Variants in EVL observed in about 807,000 individuals in gnomAD.
EVL encodes the protein ena/VASP-like protein.
EVL carries 21 observed loss-of-function variants against 59.6 expected under a neutral mutation model. The ratio of observed to expected loss-of-function variants is 0.35; its 90% CI spans 0.25 to 0.51. EVL has a LOEUF of 0.51. Among genes scored for constraint, EVL ranks in the 20% least tolerant of loss-of-function variants. EVL has a pLI of 0.97. For synonymous variants in EVL, 198 were observed against 203.5 expected (o/e 0.97, Z 0.23); for missense variants, 462 against 546.6 (o/e 0.85, Z 1.54).
rs764638056 is a variant in EVL at position 100,128,652 on chromosome 14, G to A, written c.621G>A (p.Leu207=). Residue 207 remains leucine (L), a synonymous_variant, in exon 6 of 14, where the codon CTG becomes CTA. Coordinates refer to ENST00000392920, the MANE Select transcript of EVL (RefSeq NM_016337.3). ...TGATPPPPPP[L]PAGGAQGSSH... is the part of the protein sequence containing the mutation. ...CTACCCCACCTCCCCCACCCCCACT[G>A]CCAGCCGGAGGAGCCCAGGGGTCCA... 21 of 1,314,454 alleles carry A rather than the reference G, an allele frequency of 1.6e-5. No homozygotes were observed. In the African/African-American group the frequency reaches 4.0e-4, roughly 25 times the overall value. The allele number at this position is 1,314,454 out of a possible 1,614,324, so 81.4% of individuals were successfully genotyped here. A position where few individuals can be genotyped will look rare whatever the true frequency, so the allele number is the denominator to read the frequency against.
At chr14:100,025,680 C>T (rs2061198261) in intron 1 of EVL, among the ~76,000 whole-genome samples, 5 of 152,172 alleles carry the variant, frequency 3.3e-5, no homozygotes, top group Admixed American at 3.3e-4. Context: ...GTAACCCCAG[C>T]ACTTTGGGAG....
At chr14:100,022,729 A>T (rs192570644) in intron 1 of EVL, among the ~76,000 whole-genome samples, 1 of 152,346 alleles carries the variant, frequency 6.6e-6, no homozygotes, top group African/African-American at 2.4e-5. Context: ...GACACACAGT[A>T]AGACCTTAAT....
intron 1 of EVL, among the ~76,000 whole-genome samples, chr14:100,005,597 G>A: frequency 6.7e-6 from 1 of 148,302 alleles, no homozygotes. Context: ...CAGTGTCCTA[G>A]GAGAAAAACA....
At chr14:100,057,682 G>A (rs2140257099) in intron 1 of EVL, among the ~76,000 whole-genome samples, 1 of 152,248 alleles carries the variant, frequency 6.6e-6, no homozygotes, top group Admixed American at 6.5e-5. Flanking sequence ...CTATTTTAGT[G>A]TAAACTTTTT....
At chr14:99,976,754 C>G (rs1426194542) in intron 1 of EVL, among the ~76,000 whole-genome samples, 2 of 152,140 alleles carry the variant, frequency 1.3e-5, no homozygotes, top group Non-Finnish European at 2.9e-5. Context: ...CAAACCTGTT[C>G]TGTTCACTTT....
chr14:100,113,205 A>G (rs1386859072), intron 3 of EVL, among the ~76,000 whole-genome samples: 2 of 152,150 alleles, frequency 1.3e-5, no homozygotes, highest in Non-Finnish European at 2.9e-5. Context: ...TAGTGCTGCC[A>G]TCTTGGATGC....
chr14:99,996,816 T>C (rs2060917244), intron 1 of EVL, among the ~76,000 whole-genome samples: 1 of 152,172 alleles, frequency 6.6e-6, no homozygotes, highest in Admixed American at 6.5e-5. Flanking sequence ...CGTGTCTGGC[T>C]GATTTCTGTA....
chr14:100,123,685 C>G, intron 4 of EVL, 83 bp downstream of exon 4: 1 of 1,414,080 alleles, frequency 7.1e-7, no homozygotes, highest in South Asian at 1.2e-5. Flanking sequence ...GGTGAGGATG[C>G]ACCAGCAGCC....
At chr14:99,986,230 T>C (rs1405163313) in intron 1 of EVL, among the ~76,000 whole-genome samples, 2 of 147,412 alleles carry the variant, frequency 1.4e-5, no homozygotes, top group Non-Finnish European at 3.0e-5. Context: ...AGGTGGAGGT[T>C]GTGGTGAGCT....
chr14:100,020,539 G>A (rs1459636205), intron 1 of EVL, among the ~76,000 whole-genome samples: 1 of 152,016 alleles, frequency 6.6e-6, no homozygotes, highest in East Asian at 1.9e-4. Context: ...CAATTTTTGT[G>A]CATTTTAGAA....
chr14:100,014,089 G>A, intron 1 of EVL, among the ~76,000 whole-genome samples: 2 of 152,070 alleles, frequency 1.3e-5, no homozygotes, highest in Non-Finnish European at 2.9e-5. Context: ...AGTGTTGACT[G>A]TAATCACCCT....
chr14:100,104,834 G>T (rs1886455497), intron 3 of EVL, among the ~76,000 whole-genome samples: 1 of 151,204 alleles, frequency 6.6e-6, no homozygotes, highest in Admixed American at 6.6e-5. Flanking sequence ...CCGCTGAGCT[G>T]CAGTCACAAG....
chr14:100,101,211 G>A (rs370357484), intron 3 of EVL, among the ~76,000 whole-genome samples: 5 of 152,180 alleles, frequency 3.3e-5, no homozygotes, highest in East Asian at 1.9e-4. Flanking sequence ...TAGGCCGGGC[G>A]CGGTGGCTCA....
intron 9 of EVL, 43 bp from the exon 10 acceptor site, chr14:100,137,535 C>G: frequency 6.2e-7 from 1 of 1,604,708 alleles, no homozygotes; most frequent in South Asian, 1.1e-5. Context: ...GCTACTGAGT[C>G]CCTTCACCTG....
chr14:100,137,501 T>G, intron 9 of EVL, 77 bp from the exon 10 acceptor site: 1 of 1,470,446 alleles, frequency 6.8e-7, no homozygotes, highest in Non-Finnish European at 9.5e-7. Context: ...GGCTTCCTGT[T>G]GGGGTGTTTA....
At chr14:100,054,049 CTTTTTT>C (rs11302582) in intron 1 of EVL, among the ~76,000 whole-genome samples, 2 of 61,254 alleles carry the variant, frequency 3.3e-5, no homozygotes, top group Admixed American at 2.5e-4. Flanking sequence ...TATTTTTGGA[CTTTTTT>C]TTTTTTTTTT....
Position 100,123,610 on chromosome 14 carries a change from AGCACCC to A in EVL, c.422+12_422+17del. The A allele has an allele frequency of 6.2e-7, 1 of 1,613,956 alleles. No homozygotes were observed. The highest frequency in any genetic ancestry group is 8.5e-7 in the Non-Finnish European group (1 of 1,179,910). Reference sequence around the variant, plus strand: ...GATGGACATCCAGAGAAGGTAACCCAGCACCCGCAGGGGCCAGGCTGGTCATCTCCC... The same window carrying A: ...GATGGACATCCAGAGAAGGTAACCCAGCAGGGGCCAGGCTGGTCATCTCCC... On this transcript the variant is annotated intron_variant, in intron 4 of 13. Transcript: ENST00000392920.
At chr14:99,992,306 T>C (rs1402030357) in intron 1 of EVL, among the ~76,000 whole-genome samples, 1 of 152,218 alleles carries the variant, frequency 6.6e-6, no homozygotes, top group Non-Finnish European at 1.5e-5. Context: ...GGTCGTTTTT[T>C]TCATTGTTGA....
chr14:100,136,647 C>T (rs964791845), intron 9 of EVL, among the ~76,000 whole-genome samples: 12 of 152,246 alleles, frequency 7.9e-5, no homozygotes, highest in African/African-American at 2.6e-4. Context: ...GCCAGCTGTT[C>T]GCGTGTGTCT....
Sources: allele counts gnomAD v4.1 joint callset (sites outside exome capture counted in the v4.1 genomes callset), GRCh38; gene constraint gnomAD v4.1.1; transcripts MANE v1.5; gene names NCBI Gene and HGNC (gene_info 2026-07-23, HGNC 2026-07-21).